Variants in DNAJB11 observed in about 807,000 individuals in gnomAD.
The protein encoded by DNAJB11 is DnaJ heat shock protein family (Hsp40) member B11.
A neutral mutation model predicts 47.2 loss-of-function variants in DNAJB11; 30 were observed. The observed-to-expected ratio is 0.64, with a 90% CI of 0.48 to 0.86. The LOEUF (loss-of-function observed/expected upper bound fraction) is 0.86, where lower values mean the gene tolerates loss of function less well. DNAJB11 is among the 40% of genes least tolerant of loss of function. The pLI, the probability that DNAJB11 is intolerant of heterozygous loss-of-function variation, is 0.00. For missense variants in DNAJB11, 357 were observed against 440.2 expected (o/e 0.81, Z 1.69); for synonymous variants, 151 against 159.9 (o/e 0.94, Z 0.42).
intron 2 of DNAJB11, among the ~76,000 whole-genome samples, chr3:186,575,126 T>C (rs1453784275): frequency 1.3e-5 from 2 of 152,218 alleles, no homozygotes; most frequent in East Asian, 1.9e-4. Flanking sequence ...AGCAATGAAA[T>C]TGACCTTGAA....
In DNAJB11 at chr3:186,572,358, TA is replaced by T. The variant is rs60220700; in HGVS notation, c.225+108del. The T allele has an allele frequency of 2.7e-5, 20 of 744,810 alleles. No individual in the cohort carries two copies. In the Admixed American group the frequency reaches 6.7e-4, roughly 25 times the overall value. 46.1% of individuals were successfully genotyped at this position (744,810 alleles called of 1,614,324 possible). On this transcript the variant is annotated intron_variant, in intron 2 of 9. Coordinates refer to ENST00000265028, the MANE Select transcript of DNAJB11 (RefSeq NM_016306.6). ...GCTCACATTTATTTATTTATTTATTTATTTTGAGACTGAGTCTCTATTGCCT... is the reference window on the plus strand; with the variant it reads ...GCTCACATTTATTTATTTATTTATTTTTTTGAGACTGAGTCTCTATTGCCT...
chr3:186,575,815 T>C, intron 2 of DNAJB11, 25 bp from the exon 3 acceptor site: 1 of 1,577,374 alleles, frequency 6.3e-7, no homozygotes, highest in South Asian at 1.1e-5. Flanking sequence ...TCATGATCTT[T>C]TCCTCCACTG....
chr3:186,573,854 A>T (rs1267920952), intron 2 of DNAJB11, among the ~76,000 whole-genome samples: 1 of 152,242 alleles, frequency 6.6e-6, no homozygotes, highest in African/African-American at 2.4e-5. Flanking sequence ...ATACTCAAAA[A>T]CATTTTCTAG....
At chr3:186,580,233 G>A (rs1715438333) in intron 4 of DNAJB11, 1 of 152,128 alleles carries the variant, frequency 6.6e-6, no homozygotes, top group South Asian at 2.1e-4. Flanking sequence ...CTATTGTAAA[G>A]GCTGTAAATG....
At chr3:186,585,012 A>G (rs1380533351) in intron 9 of DNAJB11, among the ~76,000 whole-genome samples, 4 of 152,188 alleles carry the variant, frequency 2.6e-5, no homozygotes, top group African/African-American at 7.2e-5. Context: ...TGAAGGAGGT[A>G]AAAACTGAAA....
intron 7 of DNAJB11, among the ~76,000 whole-genome samples, chr3:186,583,244 A>T (rs1715547626): frequency 6.6e-6 from 1 of 152,178 alleles, no homozygotes; most frequent in Non-Finnish European, 1.5e-5. Context: ...TCTTGTTACC[A>T]CTTTGGAAAC....
chr3:186,570,970 G>T lies in DNAJB11; in HGVS notation c.68+5G>T. ...CATCGGGGCGGTGATTGCCGGGTGA[G>T]GAACAGACACTCGCAGACAACGGGG... On this transcript the variant is annotated splice_donor_5th_base_variant and intron_variant, in intron 1 of 9. Transcript: ENST00000265028. 1 of 1,541,124 alleles carries T rather than the reference G, an allele frequency of 6.5e-7. No homozygotes were observed.
chr3:186,584,623 T>TGTGTGTGTGTTTGTG, intron 9 of DNAJB11, 34 bp downstream of exon 9: 1 of 362,652 alleles, frequency 2.8e-6, no homozygotes, highest in Non-Finnish European at 3.7e-6. Flanking sequence ...GTGTGTGTGT[T>TGTGTGTGTGTTTGTG]TGTGTGTGTG....
In DNAJB11 at chr3:186,582,703, C is replaced by A; in HGVS notation, c.683-13C>A. 6.3e-7 allele frequency: 1 copy of A among 1,583,448 alleles called. No individual in the cohort carries two copies. The highest frequency in any genetic ancestry group is 1.8e-5 in the Admixed American group (1 of 55,998). On this transcript the variant is annotated splice_polypyrimidine_tract_variant and intron_variant, in intron 6 of 9. Coordinates refer to ENST00000265028, the MANE Select transcript of DNAJB11 (RefSeq NM_016306.6). ...TGTATGATTTACAATATGCTGTAATCTGCTCTGACTAGGTGAGCCTCACGT... is the reference window on the plus strand; with the variant it reads ...TGTATGATTTACAATATGCTGTAATATGCTCTGACTAGGTGAGCCTCACGT...
At position 186,581,524 on chromosome 3, in the gene DNAJB11, G is replaced by A. The variant is rs906557986; in HGVS notation, c.599+11G>A. The A allele has an allele frequency of 6.2e-7, 1 of 1,610,734 alleles. No homozygotes were observed. Among genetic ancestry groups the A allele is most frequent in the Non-Finnish European group, 8.5e-7 (1 of 1,178,658 alleles). ...ATGCCCTAATGTCAAGTAAGTGAAA[G>A]CACCTTCTTTGTTCTACCAAGAAAC... On this transcript the variant is annotated intron_variant, in intron 5 of 9. Transcript: ENST00000265028.
At chr3:186,582,137 G>A in intron 6 of DNAJB11, 60 bp downstream of exon 6, 2 of 1,272,624 alleles carry the variant, frequency 1.6e-6, no homozygotes, top group East Asian at 4.8e-5. Context: ...GCTTGTTTGT[G>A]AATACCTTTC....
At chr3:186,571,469 C>T (rs1715051889) in intron 1 of DNAJB11, among the ~76,000 whole-genome samples, 1 of 152,142 alleles carries the variant, frequency 6.6e-6, no homozygotes, top group South Asian at 2.1e-4. Context: ...CTGGGGCTGA[C>T]ATTAAAGTGG....
intron 9 of DNAJB11, 38 bp downstream of exon 9, chr3:186,584,627 G>GTGTGTT: frequency 6.7e-7 from 1 of 1,492,436 alleles, no homozygotes; most frequent in Non-Finnish European, 8.9e-7. Context: ...GTGTGTTTGT[G>GTGTGTT]TGTGTGTATG....
chr3:186,572,302 A>C, intron 2 of DNAJB11, 51 bp downstream of exon 2: 1 of 1,512,430 alleles, frequency 6.6e-7, no homozygotes, highest in South Asian at 1.2e-5. Context: ...GCTCTAGAAA[A>C]AACATACAAT....
chr3:186,581,301 T>G (rs546812156), intron 4 of DNAJB11, 70 bp from the exon 5 acceptor site: 1 of 1,568,014 alleles, frequency 6.4e-7, no homozygotes, highest in East Asian at 2.2e-5. Flanking sequence ...GTGCAGAGCC[T>G]TGATCAATTG....
At chr3:186,576,935 C>T (rs538042673) in intron 3 of DNAJB11, among the ~76,000 whole-genome samples, 5 of 152,242 alleles carry the variant, frequency 3.3e-5, no homozygotes, top group South Asian at 2.1e-4. Context: ...TTATCATCTT[C>T]GCTATGCTAA....
intron 9 of DNAJB11, among the ~76,000 whole-genome samples, 181 bp downstream of exon 9, chr3:186,584,770 C>T (rs1487801450): frequency 6.6e-6 from 1 of 152,080 alleles, no homozygotes; most frequent in African/African-American, 2.4e-5. Context: ...ATTAAAAATC[C>T]TGCATCTTTG....
At chr3:186,578,803 T>C (rs116209087) in intron 4 of DNAJB11, 257 of 152,368 alleles carry the variant, frequency 1.7e-3, no homozygotes, top group African/African-American at 5.9e-3. Context: ...TAACTTGTCT[T>C]TTCATTATGT....
chr3:186,583,814 G>C (rs1715568380), intron 7 of DNAJB11, 51 bp from the exon 8 acceptor site: 2 of 1,389,630 alleles, frequency 1.4e-6, no homozygotes, highest in Admixed American at 1.7e-5. Flanking sequence ...TCTAACAACT[G>C]TTTGAACTTA....
Sources: gnomAD v4.1 joint callset for allele counts (sites outside exome capture counted in the v4.1 genomes callset) on GRCh38, gnomAD v4.1.1 for gene constraint, MANE v1.5 for transcripts, NCBI Gene and HGNC (gene_info 2026-07-23, HGNC 2026-07-21) for gene names.